The following EPHA6 variants were observed in gnomAD, a reference collection of about 807,000 sequenced individuals.
EPHA6 encodes the protein ephrin type-A receptor 6.
Under a neutral mutation model 112.0 loss-of-function variants are expected in EPHA6, and 50 were observed. That is an observed-to-expected ratio of 0.45 (90% CI 0.36 to 0.56). EPHA6 has a LOEUF of 0.56. Among genes scored for constraint, EPHA6 ranks in the 20% least tolerant of loss-of-function variants. EPHA6 has a pLI of 0.00. For missense variants in EPHA6, 1,280 were observed against 1,417.4 expected, an observed-to-expected ratio of 0.90 and a Z score of 1.56; for synonymous variants, 529 against 490.7, an observed-to-expected ratio of 1.08 and a Z score of -1.03.
Position 96,904,600 on chromosome 3 carries a change from A to G in EPHA6, c.450+37711A>G, listed in dbSNP as rs1371954134. 2.0e-5 allele frequency among the ~76,000 whole-genome samples: 3 copies of G among 151,682 alleles called. No individual in the cohort carries two copies. In the East Asian group the frequency reaches 5.8e-4, roughly 29 times the overall value. On this transcript the variant is annotated intron_variant, in intron 2 of 17. Coordinates refer to ENST00000389672, the MANE Select transcript of EPHA6 (RefSeq NM_001080448.3). ...TGTGCACATGTACCCTAAAACTTAA[A>G]GTATAATTAAAAAAAAAAAACTCTT...
chr3:97,720,513 C>T, intron 15 of EPHA6, 103 bp downstream of exon 15: 1 of 1,015,872 alleles, frequency 9.8e-7, no homozygotes, highest in Non-Finnish European at 1.4e-6. Context: ...CTTTATCTTC[C>T]TGAGAACTTC....
In EPHA6 at chr3:97,637,997, T is replaced by C; in HGVS notation, c.2699T>C (p.Val900Ala). ...GACCTAGCGGCTCGGAATATACTGG[T>C]CAATAGCAACTTAGTATGCAAAGTT... Reference protein sequence around the residue: ...HRDLAARNILVNSNLVCKVSD... With the variant: ...HRDLAARNILANSNLVCKVSD... The change falls in exon 14 of 18, where the codon GTC becomes GCC. Residue 900 changes from valine (V) to alanine (A), a missense_variant. By Grantham distance (64) the Val-to-Ala change is moderately conservative. Around this residue, in one of 4 missense-constraint regions of EPHA6, gnomAD observed 878 missense variants for 999.7 expected, o/e 0.88. Transcript: ENST00000389672. 1 of 1,613,946 alleles carries C rather than the reference T, an allele frequency of 6.2e-7. No homozygotes were observed. The highest frequency in any genetic ancestry group is 8.5e-7 in the Non-Finnish European group (1 of 1,179,858).
intron 14 of EPHA6, among the ~76,000 whole-genome samples, chr3:97,707,555 A>C (rs2033744479): frequency 6.6e-6 from 1 of 152,222 alleles, no homozygotes; most frequent in Non-Finnish European, 1.5e-5. Flanking sequence ...GGAATAATGG[A>C]ATGAAGAATA....
chr3:96,864,368 A>T (rs1300310479), intron 1 of EPHA6, among the ~76,000 whole-genome samples: 1 of 152,130 alleles, frequency 6.6e-6, no homozygotes, highest in Non-Finnish European at 1.5e-5. Context: ...GGTTTCAGCA[A>T]CAAAAAGGAA....
intron 2 of EPHA6, among the ~76,000 whole-genome samples, chr3:96,899,949 A>T (rs1460137151): frequency 1.3e-5 from 2 of 152,138 alleles, no homozygotes; most frequent in African/African-American, 4.8e-5. Context: ...GAAAACATGT[A>T]ATGATTTTCT....
intron 3 of EPHA6, among the ~76,000 whole-genome samples, chr3:97,049,323 G>T (rs1346413435): frequency 6.6e-6 from 1 of 152,172 alleles, no homozygotes; most frequent in Non-Finnish European, 1.5e-5. Context: ...GAACAGTTAG[G>T]ACTTTACTAG....
chr3:96,822,042 A>C (rs968106024), intron 1 of EPHA6, among the ~76,000 whole-genome samples: 2 of 151,908 alleles, frequency 1.3e-5, no homozygotes, highest in Non-Finnish European at 2.9e-5. Context: ...GCTGTGTACC[A>C]TATGTGTTTT....
chr3:96,859,526 C>A (rs1473577970), intron 1 of EPHA6, among the ~76,000 whole-genome samples: 7 of 151,842 alleles, frequency 4.6e-5, no homozygotes, highest in Admixed American at 4.6e-4. Flanking sequence ...GGATTACAGG[C>A]ACACACAACC....
chr3:96,822,069 A>T (rs1241918312), intron 1 of EPHA6, among the ~76,000 whole-genome samples: 2 of 151,986 alleles, frequency 1.3e-5, no homozygotes, highest in Non-Finnish European at 2.9e-5. Context: ...AAATTGCTTC[A>T]CAAGACTCTT....
chr3:97,531,758 C>T (rs1005106694), intron 10 of EPHA6, among the ~76,000 whole-genome samples: 1 of 152,034 alleles, frequency 6.6e-6, no homozygotes, highest in African/African-American at 2.4e-5. Flanking sequence ...TTTAATTACC[C>T]AATGGAGACA....
At chr3:97,459,165 T>C (rs2090801036) in intron 7 of EPHA6, among the ~76,000 whole-genome samples, 1 of 152,234 alleles carries the variant, frequency 6.6e-6, no homozygotes, top group Admixed American at 6.5e-5. Flanking sequence ...GAACAGTATC[T>C]GTGCAAGTGT....
chr3:97,328,224 GA>G, intron 5 of EPHA6, among the ~76,000 whole-genome samples: 1 of 151,774 alleles, frequency 6.6e-6, no homozygotes, highest in South Asian at 2.1e-4. Context: ...TGCTCAGAAG[GA>G]AATTGTTGGG....
At chr3:97,254,520 G>A (rs1337625500) in intron 5 of EPHA6, among the ~76,000 whole-genome samples, 3 of 151,890 alleles carry the variant, frequency 2.0e-5, no homozygotes, top group Admixed American at 1.3e-4. Flanking sequence ...TATAACTGAT[G>A]TGCAAAATTA....
intron 13 of EPHA6, among the ~76,000 whole-genome samples, chr3:97,627,833 A>T (rs2093871404): frequency 6.6e-6 from 1 of 151,966 alleles, no homozygotes; most frequent in Admixed American, 6.6e-5. Flanking sequence ...ACCTTTTAAA[A>T]ATCTCAAGTT....
At chr3:97,116,515 A>G (rs1376527664) in intron 3 of EPHA6, among the ~76,000 whole-genome samples, 3 of 151,778 alleles carry the variant, frequency 2.0e-5, no homozygotes, top group African/African-American at 7.2e-5. Flanking sequence ...TTCCACTACC[A>G]CTGGGAACCA....
chr3:97,187,675 G>GAAAGAAGGAAAGAA (rs1316062620), intron 3 of EPHA6, among the ~76,000 whole-genome samples: 2 of 77,056 alleles, frequency 2.6e-5, no homozygotes, highest in African/African-American at 1.1e-4. Flanking sequence ...AAGAAAGAAA[G>GAAAGAAGGAAAGAA]AGAAAGAAAG....
At chr3:96,926,942 G>C (rs2040066602) in intron 2 of EPHA6, among the ~76,000 whole-genome samples, 1 of 152,208 alleles carries the variant, frequency 6.6e-6, no homozygotes, top group South Asian at 2.1e-4. Context: ...GGGACTCTGT[G>C]TGGGGGCGTC....
At chr3:96,924,145 T>TA (rs1346392785) in intron 2 of EPHA6, among the ~76,000 whole-genome samples, 1 of 152,174 alleles carries the variant, frequency 6.6e-6, no homozygotes, top group Non-Finnish European at 1.5e-5. Flanking sequence ...AAAGTAGTTT[T>TA]AAAAAATAGT....
intron 5 of EPHA6, among the ~76,000 whole-genome samples, chr3:97,363,244 C>G (rs2084504337): frequency 1.3e-5 from 1 of 77,626 alleles, no homozygotes; most frequent in African/African-American, 7.1e-5. Flanking sequence ...ATATAAATCT[C>G]AGATGCTACA....
Sources: allele counts gnomAD v4.1 joint callset (sites outside exome capture counted in the v4.1 genomes callset), GRCh38; gene constraint gnomAD v4.1.1; regional missense constraint gnomAD v4.1.1; transcripts MANE v1.5; gene names NCBI Gene and HGNC (gene_info 2026-07-23, HGNC 2026-07-21).